Variants in CLMN observed in about 807,000 individuals in gnomAD.
CLMN encodes the protein calmin.
Under a neutral mutation model 92.7 loss-of-function variants are expected in CLMN, and 57 were observed. The observed-to-expected ratio is 0.61, with a 90% CI of 0.50 to 0.77. The LOEUF is 0.77. Ranked by LOEUF, CLMN falls within the 30% of genes least tolerant of loss-of-function variation. The probability of loss-of-function intolerance (pLI) is 0.00; values close to 1 mark genes in which losing one functional copy is unlikely to be tolerated. For missense variants in CLMN, 1,158 were observed against 1,237.5 expected (o/e 0.94, Z 0.96); for synonymous variants, 466 against 470.6 (o/e 0.99, Z 0.13).
At chr14:95,292,412 A>T (rs1900604677) in intron 1 of CLMN, among the ~76,000 whole-genome samples, 2 of 141,460 alleles carry the variant, frequency 1.4e-5, no homozygotes, top group Non-Finnish European at 3.2e-5. Flanking sequence ...CAGTAATGAG[A>T]TCTGCCCCCC....
At chr14:95,220,546 T>C (rs1039669186) in intron 4 of CLMN, among the ~76,000 whole-genome samples, 42 of 152,306 alleles carry the variant, frequency 2.8e-4, no homozygotes, top group Non-Finnish European at 1.0e-4. Flanking sequence ...CTTTTGGCTG[T>C]TGTGAATTGT....
chr14:95,214,169 G>T (rs571536657), intron 5 of CLMN, among the ~76,000 whole-genome samples: 1 of 152,020 alleles, frequency 6.6e-6, no homozygotes, highest in South Asian at 2.1e-4. Context: ...TCAGCACCTG[G>T]CATCTTGGAG....
chr14:95,206,806 C>T (rs1247683376), intron 8 of CLMN, among the ~76,000 whole-genome samples: 1 of 152,198 alleles, frequency 6.6e-6, no homozygotes, highest in Non-Finnish European at 1.5e-5. Context: ...TTAGCTGTGG[C>T]TTTGACTCAC....
intron 1 of CLMN, among the ~76,000 whole-genome samples, chr14:95,276,720 C>T (rs1899943216): frequency 1.3e-5 from 2 of 152,158 alleles, no homozygotes; most frequent in South Asian, 4.1e-4. Flanking sequence ...CACTGCACCC[C>T]ACTTTGAATG....
rs1281643491 is a variant in CLMN at position 95,194,642 on chromosome 14, T to G, written c.2709-46A>C. ...TTGAATTGGTACCACCTGGAGCTCT[T>G]CATGGCTCAGTTGTACGGTCACCCC... On this transcript the variant is annotated intron_variant, in intron 10 of 12. Coordinates refer to ENST00000298912, the MANE Select transcript of CLMN (RefSeq NM_024734.4). This position sits in a 1 kb window ranked among gnomAD's most constrained non-coding sequence, Gnocchi z 4.0. 1 of 1,584,968 alleles carries G rather than the reference T, an allele frequency of 6.3e-7. No individual in the cohort carries two copies. Among genetic ancestry groups the G allele is most frequent in the African/African-American group, 1.3e-5 (1 of 74,482 alleles).
At chr14:95,261,675 G>A (rs776810753) in intron 1 of CLMN, among the ~76,000 whole-genome samples, 6 of 152,166 alleles carry the variant, frequency 3.9e-5, no homozygotes, top group Non-Finnish European at 8.8e-5. Context: ...TCTGCATTGC[G>A]ACCTGGAGAC....
intron 2 of CLMN, among the ~76,000 whole-genome samples, chr14:95,224,084 A>C (rs1023174266): frequency 8.5e-5 from 13 of 152,318 alleles, no homozygotes; most frequent in African/African-American, 2.9e-4. Context: ...ATTCACCAAG[A>C]GGGGGCTGAT....
At chr14:95,291,839 G>A (rs964410682) in intron 1 of CLMN, among the ~76,000 whole-genome samples, 7 of 152,298 alleles carry the variant, frequency 4.6e-5, no homozygotes, top group South Asian at 2.1e-4. Flanking sequence ...GAAAGAATGC[G>A]CATGCAGCCC....
intron 1 of CLMN, among the ~76,000 whole-genome samples, chr14:95,317,198 G>A (rs1019682594): frequency 1.3e-5 from 2 of 152,176 alleles, no homozygotes; most frequent in Non-Finnish European, 2.9e-5. Context: ...GCACCTTCTG[G>A]ACTCGGCCCT....
chr14:95,228,018 C>T (rs1172151240), intron 2 of CLMN, among the ~76,000 whole-genome samples: 1 of 152,154 alleles, frequency 6.6e-6, no homozygotes, highest in Non-Finnish European at 1.5e-5. Flanking sequence ...GCGCTACCCA[C>T]CTGCCCTGAG....
rs1896489822 is a variant in CLMN at position 95,188,513 on chromosome 14, A to G, written c.*3051T>C. ...GAAAGCAGATCAGAAACATAGACGA[A>G]AAATAGAAAAGATAAAAAATATTAG... On this transcript the variant is annotated 3_prime_UTR_variant, in exon 13 of 13. Coordinates refer to ENST00000298912, the MANE Select transcript of CLMN (RefSeq NM_024734.4). The G allele has an allele frequency of 6.6e-6, 1 of 152,254 alleles. No individual in the cohort carries two copies. Among genetic ancestry groups the G allele is most frequent in the South Asian group, 2.1e-4 (1 of 4,834 alleles). 9.4% of individuals were successfully genotyped at this position (152,254 alleles called of 1,614,324 possible). A position where few individuals can be genotyped will look rare whatever the true frequency, so the allele number is the denominator to read the frequency against.
chr14:95,266,708 A>T (rs2140712343), intron 1 of CLMN, among the ~76,000 whole-genome samples: 1 of 152,334 alleles, frequency 6.6e-6, no homozygotes, highest in Admixed American at 6.5e-5. Flanking sequence ...ATTTCTAAAA[A>T]TTCACAAAAG....
intron 2 of CLMN, among the ~76,000 whole-genome samples, chr14:95,225,756 C>T (rs1897691480): frequency 6.6e-6 from 1 of 152,202 alleles, no homozygotes; most frequent in Admixed American, 6.5e-5. Context: ...AACGCAATTC[C>T]CTAAACAGGA....
At chr14:95,310,026 T>A (rs939325727) in intron 1 of CLMN, among the ~76,000 whole-genome samples, 1 of 152,208 alleles carries the variant, frequency 6.6e-6, no homozygotes, top group Non-Finnish European at 1.5e-5. Context: ...TTCTGGCTTG[T>A]AGAGGCCTGA....
In CLMN at chr14:95,191,371, G is replaced by C; in HGVS notation, c.*193C>G. 1 of 430,728 alleles carries C rather than the reference G, an allele frequency of 2.3e-6. No homozygotes were observed. Among genetic ancestry groups the C allele is most frequent in the Non-Finnish European group, 4.0e-6 (1 of 248,622 alleles). The allele number at this position is 430,728 out of a possible 1,614,324, so 26.7% of individuals were successfully genotyped here. ...TTTGAGTACACAGCCAAAGAAAAAA[G>C]CATGCTCAGGTTGTCCAGAAAAAAA... On this transcript the variant is annotated 3_prime_UTR_variant, in exon 13 of 13. Transcript: ENST00000298912. The surrounding 1 kb of genome is among the most constrained non-coding windows in gnomAD (Gnocchi z 5.3).
intron 1 of CLMN, among the ~76,000 whole-genome samples, chr14:95,289,734 C>CCT (rs1900489959): frequency 6.6e-6 from 1 of 152,124 alleles, no homozygotes; most frequent in African/African-American, 2.4e-5. Flanking sequence ...ACAGCCTAGT[C>CCT]CTCTCGGCTG....
At chr14:95,217,695 G>C (rs898181359) in intron 4 of CLMN, among the ~76,000 whole-genome samples, 1 of 152,234 alleles carries the variant, frequency 6.6e-6, no homozygotes, top group Non-Finnish European at 1.5e-5. Flanking sequence ...AATCAAAGCC[G>C]CTAGTCAACT....
At position 95,283,848 on chromosome 14, in the gene CLMN, C is replaced by A. The variant is rs540841566; in HGVS notation, c.82+35863G>T. Among the ~76,000 whole-genome samples, 48 of 152,202 alleles carry A rather than the reference C, an allele frequency of 3.2e-4. No individual in the cohort carries two copies. In the South Asian group the frequency reaches 9.5e-3, roughly 30 times the overall value. On this transcript the variant is annotated intron_variant, in intron 1 of 12. Transcript: ENST00000298912. ...TTGGAAAATTTGCAGTCTGACTATG[C>A]GATAGAAAAGAAAAACCCATTTTGG... is the stretch of plus-strand genomic sequence containing the variant.
chr14:95,182,183 GC>G lies in CLMN; in HGVS notation c.*9380del, dbSNP rs1896343281. The G allele has an allele frequency of 1.3e-5, 2 of 152,010 alleles. No homozygotes were observed. Among genetic ancestry groups the G allele is most frequent in the Admixed American group, 1.3e-4 (2 of 15,264 alleles). 9.4% of individuals were successfully genotyped at this position (152,010 alleles called of 1,614,324 possible). A position where few individuals can be genotyped will look rare whatever the true frequency, so the allele number is the denominator to read the frequency against. The stretch of plus-strand genomic sequence containing the variant: ...AGATCTTTTTTTTTACAAAGCTACA[GC>G]TATGTATATCCTAAATAGACAAAAA... On this transcript the variant is annotated 3_prime_UTR_variant, in exon 13 of 13. Coordinates refer to ENST00000298912, the MANE Select transcript of CLMN (RefSeq NM_024734.4).
Sources: gnomAD v4.1 joint callset for allele counts (sites outside exome capture counted in the v4.1 genomes callset) on GRCh38, gnomAD v4.1.1 for gene constraint, Gnocchi (gnomAD v3.1) non-coding constraint, MANE v1.5 for transcripts, NCBI Gene and HGNC (gene_info 2026-07-23, HGNC 2026-07-21) for gene names.